PTGER4: variants seen among roughly 807,000 people sequenced by gnomAD.
The protein encoded by PTGER4 is prostaglandin E2 receptor EP4 subtype.
In PTGER4, 11 loss-of-function variants were observed where a neutral mutation model predicts 33.2. The ratio of observed to expected loss-of-function variants is 0.33; its 90% CI spans 0.21 to 0.55. The LOEUF is 0.55. PTGER4 is among the 20% of genes least tolerant of loss of function. PTGER4 has a pLI of 0.92. For missense variants in PTGER4, 481 were observed against 650.2 expected (o/e 0.74, Z 2.83); for synonymous variants, 275 against 281.5 (o/e 0.98, Z 0.23).
At chr5:40,722,922 C>T in the PTGER4 span, among the ~76,000 whole-genome samples, 18 of 152,068 alleles carry the variant, frequency 1.2e-4, no homozygotes, top group Admixed American at 2.0e-4. Context: ...CCAGCCGCCA[C>T]CCCATCTGGG....
chr5:40,717,229 C>CAA, the PTGER4 span, among the ~76,000 whole-genome samples: 30,178 of 108,572 alleles, frequency 0.28, 4,695 homozygotes, highest in East Asian at 0.45. Flanking sequence ...AACTCCATCT[C>CAA]AAAAAAAAAA....
the PTGER4 span, among the ~76,000 whole-genome samples, chr5:40,731,306 G>A: frequency 2.6e-5 from 4 of 152,062 alleles, no homozygotes; most frequent in African/African-American, 9.7e-5. Flanking sequence ...CCACTCAGCA[G>A]GGTTTTTATA....
At chr5:40,698,602 G>T (rs1269388139), downstream of PTGER4, among the ~76,000 whole-genome samples, 1 of 152,114 alleles carries the variant, frequency 6.6e-6, no homozygotes. Flanking sequence ...GTGAACTAAA[G>T]TTCAGGATGT....
In PTGER4 at chr5:40,681,161, G is replaced by A. The variant is rs1395179606; in HGVS notation, c.168G>A (p.Thr56=). The change falls in exon 2 of 3, where the codon ACG becomes ACA. Residue 56 remains threonine (T), a synonymous_variant. Coordinates refer to ENST00000302472, the MANE Select transcript of PTGER4 (RefSeq NM_000958.3). This position sits in a 1 kb window ranked among gnomAD's most constrained non-coding sequence, Gnocchi z 9.8. ...AGCAGAAGGAGACGACCTTCTACAC[G>A]CTGGTATGTGGGCTGGCTGTCACCG... The part of the protein sequence containing the change: ...RKEQKETTFY[T]LVCGLAVTDL... 2.5e-6 allele frequency: 4 copies of A among 1,614,050 alleles called. No homozygotes were observed. Among genetic ancestry groups the A allele is most frequent in the Admixed American group, 1.7e-5 (1 of 60,010 alleles).
At chr5:40,703,388 A>C in the PTGER4 span, among the ~76,000 whole-genome samples, 101,889 of 151,928 alleles carry the variant, frequency 0.67, 34,330 homozygotes, top group East Asian at 0.8. Context: ...ACTAGAAAAT[A>C]TGGAAGAGAT....
At chr5:40,724,563 G>A in the PTGER4 span, among the ~76,000 whole-genome samples, 7 of 151,284 alleles carry the variant, frequency 4.6e-5, no homozygotes, top group Non-Finnish European at 8.8e-5. Context: ...AACCCGGGAG[G>A]TGGAGGTTGA....
In PTGER4 at chr5:40,692,013, A is replaced by G. The variant is rs946542611; in HGVS notation, c.1102A>G (p.Arg368Gly). ...RSGQHCSDSQRTSSAMSGHSR... is the reference protein window; with the variant it reads ...RSGQHCSDSQGTSSAMSGHSR... ...CGGACAGCACTGCTCAGACAGTCAA[A>G]GGACATCTTCTGCCATGTCAGGCCA... The change falls in exon 3 of 3, where the codon AGG becomes GGG. Residue 368 changes from arginine (R) to glycine (G), a missense_variant. Arg to Gly is a moderately radical substitution (Grantham distance 125, BLOSUM62 -2). This residue lies in a region of PTGER4 where 172 missense variants were observed against 199.2 expected (regional missense o/e 0.86). Coordinates refer to ENST00000302472, the MANE Select transcript of PTGER4 (RefSeq NM_000958.3). 6.2e-7 allele frequency: 1 copy of G among 1,614,118 alleles called. No individual in the cohort carries two copies. Among genetic ancestry groups the G allele is most frequent in the African/African-American group, 1.3e-5 (1 of 74,952 alleles).
the PTGER4 span, among the ~76,000 whole-genome samples, chr5:40,725,715 A>T: frequency 1.3e-5 from 2 of 148,326 alleles, no homozygotes; most frequent in Admixed American, 6.7e-5. Context: ...TAAATCCCTT[A>T]TGTATTCCTT....
chr5:40,680,958 C>T lies in PTGER4; in HGVS notation c.-36C>T, dbSNP rs1177421632. On this transcript the variant is annotated 5_prime_UTR_variant, in exon 2 of 3. Coordinates refer to ENST00000302472, the MANE Select transcript of PTGER4 (RefSeq NM_000958.3). The surrounding 1 kb of genome is among the most constrained non-coding windows in gnomAD (Gnocchi z 5.5). Reference sequence around the variant, plus strand: ...CTCTTCTACCATCCCCAGACCCAGCCTTGCACTCCAAGGCTGCGCACCGCC... The same window carrying T: ...CTCTTCTACCATCCCCAGACCCAGCTTTGCACTCCAAGGCTGCGCACCGCC... 1.3e-6 allele frequency: 2 copies of T among 1,573,636 alleles called. No homozygotes were observed. The highest frequency in any genetic ancestry group is 1.7e-6 in the Non-Finnish European group (2 of 1,159,160).
chr5:40,727,839 G>T, the PTGER4 span, among the ~76,000 whole-genome samples: 1 of 152,044 alleles, frequency 6.6e-6, no homozygotes, highest in Non-Finnish European at 1.5e-5. Flanking sequence ...TTCTGATCAT[G>T]ATATAATTAG....
the PTGER4 span, among the ~76,000 whole-genome samples, chr5:40,704,944 T>A: frequency 1.3e-5 from 2 of 152,182 alleles, no homozygotes; most frequent in Non-Finnish European, 2.9e-5. Context: ...AAACTACCAA[T>A]GGCATTCTTC....
At chr5:40,731,581 C>A in the PTGER4 span, among the ~76,000 whole-genome samples, 3 of 152,200 alleles carry the variant, frequency 2.0e-5, no homozygotes, top group Non-Finnish European at 2.9e-5. Flanking sequence ...AACAGGGAAG[C>A]CCCTTATAAA....
the PTGER4 span, among the ~76,000 whole-genome samples, chr5:40,718,383 A>G: frequency 6.7e-6 from 1 of 149,192 alleles, no homozygotes; most frequent in Admixed American, 6.6e-5. Context: ...TCCAGCCTGG[A>G]TGAGAGAGCA....
rs761554127 is a variant in PTGER4 at position 40,680,947 on chromosome 5, C to CCAGA, written c.-43-2_-42dup. Reference sequence around the variant, plus strand: ...CAGCTTTGTCTCTCTTCTACCATCCCCAGACCCAGCCTTGCACTCCAAGGC... The same window carrying CCAGA: ...CAGCTTTGTCTCTCTTCTACCATCCCCAGACAGACCCAGCCTTGCACTCCAAGGC... On this transcript the variant is annotated splice_region_variant and splice_polypyrimidine_tract_variant and intron_variant, in intron 1 of 2. Coordinates refer to ENST00000302472, the MANE Select transcript of PTGER4 (RefSeq NM_000958.3). The surrounding 1 kb of genome is among the most constrained non-coding windows in gnomAD (Gnocchi z 5.5). 2 of 1,561,042 alleles carry CCAGA rather than the reference C, an allele frequency of 1.3e-6. No individual in the cohort carries two copies. Among genetic ancestry groups the CCAGA allele is most frequent in the Non-Finnish European group, 1.7e-6 (2 of 1,153,444 alleles).
At chr5:40,738,552 TAAAATAAAATAAAATATAAA>T in the PTGER4 span, among the ~76,000 whole-genome samples, 2 of 112,682 alleles carry the variant, frequency 1.8e-5, no homozygotes, top group East Asian at 5.8e-4. Flanking sequence ...TAAAATAAAA[TAAAATAAAATAAAATATAAA>T]ATAAAATAAA....
At chr5:40,700,155 A>C in the PTGER4 span, among the ~76,000 whole-genome samples, 2 of 152,378 alleles carry the variant, frequency 1.3e-5, no homozygotes, top group East Asian at 3.9e-4. Context: ...TAGTTATCAA[A>C]ATTGGAAGAT....
At chr5:40,684,903 A>G (rs935281513) in intron 2 of PTGER4, among the ~76,000 whole-genome samples, 1 of 152,194 alleles carries the variant, frequency 6.6e-6, no homozygotes, top group African/African-American at 2.4e-5. Context: ...TCTACATTTA[A>G]GATAAACGAA....
At chr5:40,705,901 G>C in the PTGER4 span, among the ~76,000 whole-genome samples, 1 of 152,180 alleles carries the variant, frequency 6.6e-6, no homozygotes, top group Non-Finnish European at 1.5e-5. Context: ...TTCAACCATT[G>C]TGGAAAGCAG....
chr5:40,697,581 C>A (rs1233480568), downstream of PTGER4, among the ~76,000 whole-genome samples: 1 of 74,346 alleles, frequency 1.3e-5, no homozygotes. Flanking sequence ...GAAATTCCAT[C>A]TCAAAAAAAA....
Sources: allele counts gnomAD v4.1 joint callset (sites outside exome capture counted in the v4.1 genomes callset), GRCh38; gene constraint gnomAD v4.1.1; regional missense constraint gnomAD v4.1.1; non-coding constraint Gnocchi (gnomAD v3.1); transcripts MANE v1.5; gene names NCBI Gene and HGNC (gene_info 2026-07-23, HGNC 2026-07-21).